The following ZHX3 variants were observed in gnomAD, a reference collection of about 807,000 sequenced individuals.
The protein encoded by ZHX3 is zinc fingers and homeoboxes protein 3.
A neutral mutation model predicts 64.5 loss-of-function variants in ZHX3; 20 were observed. The observed-to-expected ratio is 0.31, with a 90% CI of 0.22 to 0.45. The LOEUF (loss-of-function observed/expected upper bound fraction) is 0.45, where lower values mean the gene tolerates loss of function less well. ZHX3 is among the 20% of genes least tolerant of loss of function. The pLI, the probability that ZHX3 is intolerant of heterozygous loss-of-function variation, is 1.00. For missense variants in ZHX3, 1,041 were observed against 1,195.8 expected (o/e 0.87, Z 1.91); for synonymous variants, 423 against 461.6 (o/e 0.92, Z 1.07).
chr20:41,296,133 G>C (rs1370378563), intron 1 of ZHX3, among the ~76,000 whole-genome samples: 1 of 146,998 alleles, frequency 6.8e-6, no homozygotes, highest in Non-Finnish European at 1.5e-5. Context: ...AATTTCTGGA[G>C]TCTATTTTGC....
intron 2 of ZHX3, among the ~76,000 whole-genome samples, chr20:41,215,759 C>T (rs369567431): frequency 7.4e-6 from 1 of 135,568 alleles, no homozygotes; most frequent in African/African-American, 2.9e-5. Context: ...ACGGTGAAAC[C>T]ACGTCTCTAC....
At chr20:41,194,758 T>C (rs1258283065) in intron 3 of ZHX3, among the ~76,000 whole-genome samples, 1 of 152,232 alleles carries the variant, frequency 6.6e-6, no homozygotes, top group South Asian at 2.1e-4. Flanking sequence ...TGGTTTTTTA[T>C]TTATTTGTCA....
Position 41,317,667 on chromosome 20 carries a change from T to G in ZHX3, c.-403A>C, listed in dbSNP as rs1462693451. 2.0e-5 allele frequency: 3 copies of G among 150,428 alleles called. No homozygotes were observed. The highest frequency in any genetic ancestry group is 3.0e-5 in the Non-Finnish European group (2 of 67,534). The allele number at this position is 150,428 out of a possible 1,614,324, so 9.3% of individuals were successfully genotyped here. A position where few individuals can be genotyped will look rare whatever the true frequency, so the allele number is the denominator to read the frequency against. On this transcript the variant is annotated 5_prime_UTR_variant, in exon 1 of 4. Coordinates refer to ENST00000683867, the MANE Select transcript of ZHX3 (RefSeq NM_001384317.1). Reference sequence around the variant, plus strand: ...GACTGCTGAGCGGCGGGGACGCAGCTGCACCAACCGACTCCGGGCCGCTCG... The same window carrying G: ...GACTGCTGAGCGGCGGGGACGCAGCGGCACCAACCGACTCCGGGCCGCTCG...
At chr20:41,191,253 C>A (rs1285029847) in intron 3 of ZHX3, among the ~76,000 whole-genome samples, 1 of 152,074 alleles carries the variant, frequency 6.6e-6, no homozygotes. Context: ...TGAGTTATGT[C>A]AAAAGACCTG....
At chr20:41,285,570 T>G (rs2043896272) in intron 1 of ZHX3, among the ~76,000 whole-genome samples, 2 of 152,248 alleles carry the variant, frequency 1.3e-5, no homozygotes, top group African/African-American at 4.8e-5. Context: ...CATTGTCAAA[T>G]TATTTTCAAG....
At position 41,283,303 on chromosome 20, in the gene ZHX3, C is replaced by T. The variant is rs78724403; in HGVS notation, c.-244-14220G>A. 7.8e-3 allele frequency among the ~76,000 whole-genome samples: 1,186 copies of T among 152,228 alleles called. 11 individuals carry two copies. The highest frequency in any genetic ancestry group is 0.027 in the African/African-American group (1,123 of 41,542). ...CCCTGGAAATGAGAGCCCTCTCCTC[C>T]ACATCTGTCCAGCTGTGGTAGAGCT... is the stretch of plus-strand genomic sequence containing the variant. On this transcript the variant is annotated intron_variant, in intron 1 of 3. Coordinates refer to ENST00000683867, the MANE Select transcript of ZHX3 (RefSeq NM_001384317.1).
intron 2 of ZHX3, among the ~76,000 whole-genome samples, chr20:41,231,993 A>T (rs1043343078): frequency 2.6e-5 from 4 of 152,230 alleles, no homozygotes; most frequent in Admixed American, 6.5e-5. Flanking sequence ...TAGATGGTTA[A>T]AACAACCACA....
intron 2 of ZHX3, among the ~76,000 whole-genome samples, chr20:41,259,707 A>G (rs188738152): frequency 6.6e-6 from 1 of 152,160 alleles, no homozygotes; most frequent in Non-Finnish European, 1.5e-5. Context: ...CATGAAACCT[A>G]TATATATGTA....
At chr20:41,260,325 T>C (rs546075968) in intron 2 of ZHX3, among the ~76,000 whole-genome samples, 2 of 152,220 alleles carry the variant, frequency 1.3e-5, no homozygotes, top group South Asian at 4.1e-4. Context: ...GATGAGATGA[T>C]TGGACAACTA....
At position 41,203,571 on chromosome 20, in the gene ZHX3, G is replaced by A; in HGVS notation, c.1346C>T (p.Ser449Phe). Residue 449 changes from serine (S) to phenylalanine (F), a missense_variant, in exon 3 of 4, where the codon TCC (serine) becomes TTC (phenylalanine). Physicochemically the swap from Ser to Phe is radical, Grantham distance 155. Around this residue, in one of 4 missense-constraint regions of ZHX3, gnomAD observed 649 missense variants for 739.8 expected, o/e 0.88. Transcript: ENST00000683867. The surrounding 1 kb of genome is among the most constrained non-coding windows in gnomAD (Gnocchi z 7.1). ...TSSPLPLTVT[S>F]VPKQPGVAPI... Reference sequence around the variant, plus strand: ...TGCCACACCTGGCTGCTTGGGGACGGATGTCACCGTGAGGGGGAGAGGGGA... The same window carrying A: ...TGCCACACCTGGCTGCTTGGGGACGAATGTCACCGTGAGGGGGAGAGGGGA... 1 of 1,614,216 alleles carries A rather than the reference G, an allele frequency of 6.2e-7. No individual in the cohort carries two copies. Among genetic ancestry groups the A allele is most frequent in the Non-Finnish European group, 8.5e-7 (1 of 1,180,038 alleles).
chr20:41,228,749 C>T lies in ZHX3; in HGVS notation c.-150-23683G>A, dbSNP rs1184150468. On this transcript the variant is annotated intron_variant, in intron 2 of 3. Coordinates refer to ENST00000683867, the MANE Select transcript of ZHX3 (RefSeq NM_001384317.1). The surrounding 1 kb of genome is among the most constrained non-coding windows in gnomAD (Gnocchi z 4.6). ...AATTTTAGGAGATACATTCAGTCCA[C>T]TGCACCATACATCCAGATTTCCAAG... Among the ~76,000 whole-genome samples the T allele has an allele frequency of 1.3e-5, 2 of 152,324 alleles. No individual in the cohort carries two copies. Among genetic ancestry groups the T allele is most frequent in the East Asian group, 3.9e-4 (2 of 5,190 alleles).
chr20:41,266,843 CCTT>C (rs1437723522), intron 2 of ZHX3, among the ~76,000 whole-genome samples: 2 of 122,514 alleles, frequency 1.6e-5, no homozygotes, highest in South Asian at 2.9e-4. Context: ...CCGTGCCCGG[CCTT>C]TTTTTTTTTT....
intron 2 of ZHX3, among the ~76,000 whole-genome samples, chr20:41,209,104 G>A: frequency 6.6e-6 from 1 of 152,136 alleles, no homozygotes; most frequent in Non-Finnish European, 1.5e-5. Flanking sequence ...GCTTCAAAGA[G>A]AATAAAATAC....
At chr20:41,214,549 A>G (rs1164791232) in intron 2 of ZHX3, among the ~76,000 whole-genome samples, 5 of 152,228 alleles carry the variant, frequency 3.3e-5, no homozygotes, top group Admixed American at 2.6e-4. Context: ...ATTTATTAAG[A>G]AAAAGTTCAA....
chr20:41,304,119 G>C (rs536446304), intron 1 of ZHX3, among the ~76,000 whole-genome samples: 1 of 152,102 alleles, frequency 6.6e-6, no homozygotes, highest in South Asian at 2.1e-4. Context: ...ATTCTCTCTT[G>C]ATCTTCCCCC....
At chr20:41,252,161 C>A (rs1299217426) in intron 2 of ZHX3, among the ~76,000 whole-genome samples, 1 of 152,156 alleles carries the variant, frequency 6.6e-6, no homozygotes, top group Non-Finnish European at 1.5e-5. Flanking sequence ...TCCAAAAGAC[C>A]AGAGGCACAG....
chr20:41,292,164 G>C (rs2044281997), intron 1 of ZHX3, among the ~76,000 whole-genome samples: 1 of 151,902 alleles, frequency 6.6e-6, no homozygotes, highest in Admixed American at 6.6e-5. Context: ...CAAAGCTTTG[G>C]GGTTTTTTGC....
intron 2 of ZHX3, among the ~76,000 whole-genome samples, chr20:41,235,751 G>T (rs1452680124): frequency 6.6e-6 from 1 of 152,164 alleles, no homozygotes; most frequent in Non-Finnish European, 1.5e-5. Flanking sequence ...ATTCAACATA[G>T]TGTTGGAAGT....
chr20:41,238,319 C>G (rs1036982838), intron 2 of ZHX3, among the ~76,000 whole-genome samples: 1 of 152,054 alleles, frequency 6.6e-6, no homozygotes, highest in Admixed American at 6.6e-5. Context: ...TCAACTATTT[C>G]TAACAGAGTT....
Sources: allele counts gnomAD v4.1 joint callset (sites outside exome capture counted in the v4.1 genomes callset), GRCh38; gene constraint gnomAD v4.1.1; regional missense constraint gnomAD v4.1.1; non-coding constraint Gnocchi (gnomAD v3.1); transcripts MANE v1.5; gene names NCBI Gene and HGNC (gene_info 2026-07-23, HGNC 2026-07-21).